The following CPNE4 variants were observed in gnomAD, a reference collection of about 807,000 sequenced individuals.
CPNE4 encodes the protein copine 4, also known as copine-4.
CPNE4 carries 25 observed loss-of-function variants against 67.9 expected under a neutral mutation model. That is an observed-to-expected ratio of 0.37 (90% CI 0.27 to 0.51). CPNE4 has a LOEUF of 0.51. Among genes scored for constraint, CPNE4 ranks in the 20% least tolerant of loss-of-function variants. The pLI is 0.93. For synonymous variants in CPNE4, 242 were observed against 244.9 expected, an observed-to-expected ratio of 0.99 and a Z score of 0.11; for missense variants, 464 against 690.8, an observed-to-expected ratio of 0.67 and a Z score of 3.68.
In CPNE4 at chr3:131,978,097, AT is replaced by A. The variant is rs1247142725; in HGVS notation, c.-2+56469del. On this transcript the variant is annotated intron_variant, in intron 1 of 15. Coordinates refer to ENST00000429747, the MANE Select transcript of CPNE4 (RefSeq NM_130808.3). Reference sequence around the variant, plus strand: ...TATATAAATATATATAAATATATATATAAATATATATAAAATATATATAAAT... The same window carrying A: ...TATATAAATATATATAAATATATATAAAATATATATAAAATATATATAAAT... 6.2e-4 allele frequency among the ~76,000 whole-genome samples: 48 copies of A among 76,898 alleles called. 6 individuals carry two copies. Among genetic ancestry groups the A allele is most frequent in the African/African-American group, 3.5e-3 (39 of 11,138 alleles). The allele number at this position is 76,898 out of a possible 152,430, so 50.4% of individuals were successfully genotyped here.
chr3:132,026,620 CTGTG>C (rs2074121224), intron 1 of CPNE4, among the ~76,000 whole-genome samples: 1 of 152,092 alleles, frequency 6.6e-6, no homozygotes. Flanking sequence ...CTTCTAGTGA[CTGTG>C]TATGTATTTA....
At chr3:131,570,227 T>C (rs1390529484) in intron 10 of CPNE4, among the ~76,000 whole-genome samples, 1 of 151,898 alleles carries the variant, frequency 6.6e-6, no homozygotes, top group Non-Finnish European at 1.5e-5. Context: ...TGTAAAAATC[T>C]GTGTTACAAT....
chr3:131,636,773 T>G (rs1034630541), intron 7 of CPNE4, among the ~76,000 whole-genome samples: 77 of 152,272 alleles, frequency 5.1e-4, no homozygotes, highest in African/African-American at 1.8e-3. Flanking sequence ...CTAAGGACCC[T>G]GATAGAGTCC....
intron 7 of CPNE4, among the ~76,000 whole-genome samples, chr3:131,660,765 A>G (rs2080103184): frequency 6.6e-6 from 1 of 152,162 alleles, no homozygotes; most frequent in Non-Finnish European, 1.5e-5. Context: ...GAGCCAGCCA[A>G]TTCACCAAAA....
intron 2 of CPNE4, among the ~76,000 whole-genome samples, chr3:131,814,490 C>A (rs1476694977): frequency 6.8e-6 from 1 of 147,536 alleles, no homozygotes; most frequent in Non-Finnish European, 1.5e-5. Flanking sequence ...ACTAGGAATA[C>A]TTGACAAACA....
chr3:131,665,371 T>C (rs11926340), intron 7 of CPNE4, among the ~76,000 whole-genome samples: 50,182 of 151,896 alleles, frequency 0.33, 8,660 homozygotes, highest in African/African-American at 0.4. Context: ...AGTATGATTA[T>C]ATATTTGGAA....
At chr3:131,701,727 C>G (rs2081307205) in intron 3 of CPNE4, among the ~76,000 whole-genome samples, 1 of 152,132 alleles carries the variant, frequency 6.6e-6, no homozygotes, top group Non-Finnish European at 1.5e-5. Flanking sequence ...ATGAGAAACC[C>G]TTGCATTTGG....
chr3:131,881,769 C>A (rs1386594901), intron 2 of CPNE4, among the ~76,000 whole-genome samples: 1 of 152,078 alleles, frequency 6.6e-6, no homozygotes, highest in Non-Finnish European at 1.5e-5. Context: ...AGGGAAAAAA[C>A]AATTGGAGCT....
chr3:131,904,802 T>C (rs1281719084), intron 2 of CPNE4, among the ~76,000 whole-genome samples: 4 of 152,126 alleles, frequency 2.6e-5, no homozygotes, highest in Admixed American at 2.6e-4. Flanking sequence ...GTCACTTCTC[T>C]CTCAACCCCC....
chr3:131,932,028 A>G (rs1368740810), intron 1 of CPNE4, among the ~76,000 whole-genome samples: 1 of 152,286 alleles, frequency 6.6e-6, no homozygotes, highest in Middle Eastern at 3.4e-3. Context: ...GTGAAAAGGC[A>G]ATGTTTCCCA....
rs1350426905 is a variant in CPNE4 at position 131,627,844 on chromosome 3, A to G, written c.682-40262T>C. Reference sequence around the variant, plus strand: ...ATTGCTGCAATTTCATAATAAAACTAATGGATGAGGAGTTGTTTCTTATGA... The same window carrying G: ...ATTGCTGCAATTTCATAATAAAACTGATGGATGAGGAGTTGTTTCTTATGA... On this transcript the variant is annotated intron_variant, in intron 7 of 15. Transcript: ENST00000429747. 3.3e-5 allele frequency among the ~76,000 whole-genome samples: 5 copies of G among 152,224 alleles called. No homozygotes were observed. The East Asian group carries it at 9.6e-4, about 29-fold the overall frequency.
At chr3:131,579,869 C>T (rs1196026298) in intron 9 of CPNE4, among the ~76,000 whole-genome samples, 1 of 152,182 alleles carries the variant, frequency 6.6e-6, no homozygotes, top group Non-Finnish European at 1.5e-5. Flanking sequence ...GCTGTGAACA[C>T]TGTTGAAATG....
At chr3:131,912,334 G>T (rs2089009804) in intron 1 of CPNE4, among the ~76,000 whole-genome samples, 1 of 152,096 alleles carries the variant, frequency 6.6e-6, no homozygotes, top group Non-Finnish European at 1.5e-5. Flanking sequence ...AAGAGAATCA[G>T]CTTGAGTTCA....
chr3:131,647,731 G>C (rs948038457), intron 7 of CPNE4, among the ~76,000 whole-genome samples: 1 of 152,060 alleles, frequency 6.6e-6, no homozygotes, highest in African/African-American at 2.4e-5. Flanking sequence ...TGGCTGATGG[G>C]AAAAAATTAC....
intron 2 of CPNE4, among the ~76,000 whole-genome samples, chr3:131,896,815 C>G (rs2088357682): frequency 6.6e-6 from 1 of 152,090 alleles, no homozygotes; most frequent in Non-Finnish European, 1.5e-5. Flanking sequence ...GGACCATCAG[C>G]ACCATGACCT....
chr3:131,993,035 T>G lies in CPNE4; in HGVS notation c.-2+41532A>C, dbSNP rs1209122734. 1.5e-5 allele frequency among the ~76,000 whole-genome samples: 2 copies of G among 136,106 alleles called. 1 individual carries two copies. Among genetic ancestry groups the G allele is most frequent in the Non-Finnish European group, 3.3e-5 (2 of 60,062 alleles). 89.3% of individuals were successfully genotyped at this position (136,106 alleles called of 152,430 possible). Reference sequence around the variant, plus strand: ...CTTGGGTATGTCTTTATTAGCAGCATGAGAATGGACTAATACAAAGATAAT... The same window carrying G: ...CTTGGGTATGTCTTTATTAGCAGCAGGAGAATGGACTAATACAAAGATAAT... On this transcript the variant is annotated intron_variant, in intron 1 of 15. Coordinates refer to ENST00000429747, the MANE Select transcript of CPNE4 (RefSeq NM_130808.3).
rs776329683 is a variant in CPNE4 at position 131,723,431 on chromosome 3, T to C, written c.360+15A>G. 1.2e-6 allele frequency: 2 copies of C among 1,609,168 alleles called. No homozygotes were observed. Among genetic ancestry groups the C allele is most frequent in the African/African-American group, 1.3e-5 (1 of 74,798 alleles). On this transcript the variant is annotated intron_variant, in intron 3 of 15. Coordinates refer to ENST00000429747, the MANE Select transcript of CPNE4 (RefSeq NM_130808.3). ...TAGGATGGCAAGGAGGAGGAAGGGA[T>C]GTCTGTTGACCCACCTGGCCAAGTG...
At chr3:131,847,775 T>C (rs2086061404) in intron 2 of CPNE4, among the ~76,000 whole-genome samples, 1 of 152,086 alleles carries the variant, frequency 6.6e-6, no homozygotes, top group African/African-American at 2.4e-5. Context: ...TCTATGGTCA[T>C]GTCTGGGAGG....
intron 2 of CPNE4, among the ~76,000 whole-genome samples, chr3:131,868,339 A>C (rs2087048013): frequency 6.6e-6 from 1 of 152,176 alleles, no homozygotes; most frequent in African/African-American, 2.4e-5. Context: ...GCAGGCATGC[A>C]TATCTTTCCT....
Sources: gnomAD v4.1 joint callset for allele counts (sites outside exome capture counted in the v4.1 genomes callset) on GRCh38, gnomAD v4.1.1 for gene constraint, MANE v1.5 for transcripts, NCBI Gene and HGNC (gene_info 2026-07-23, HGNC 2026-07-21) for gene names.